Variants in COL28A1 observed in about 807,000 individuals in gnomAD.
COL28A1 encodes the protein collagen alpha-1(XXVIII) chain.
A neutral mutation model predicts 150.2 loss-of-function variants in COL28A1; 161 were observed. That is an observed-to-expected ratio of 1.07 (90% CI 0.94 to 1.22). COL28A1 has a LOEUF of 1.22. Ranked by LOEUF, COL28A1 falls within the 50% of genes most tolerant of loss-of-function variation. The pLI is 0.00. For missense variants in COL28A1, 1,617 were observed against 1,388.3 expected, an observed-to-expected ratio of 1.16 and a Z score of -2.62; for synonymous variants, 552 against 469.7, an observed-to-expected ratio of 1.18 and a Z score of -2.26.
intron 27 of COL28A1, among the ~76,000 whole-genome samples, chr7:7,413,429 G>A (rs955891758): frequency 6.6e-6 from 1 of 152,084 alleles, no homozygotes; most frequent in Non-Finnish European, 1.5e-5. Flanking sequence ...CAAACTTCTG[G>A]TTCCTTTTCT....
intron 17 of COL28A1, 101 bp from the exon 18 acceptor site, chr7:7,452,488 C>T: frequency 6.9e-7 from 1 of 1,443,926 alleles, no homozygotes; most frequent in Non-Finnish European, 9.1e-7. Flanking sequence ...AAAACAGTTT[C>T]ATGTGCTCAA....
intron 4 of COL28A1, 183 bp from the exon 5 acceptor site, chr7:7,522,144 T>C (rs1354519649): frequency 3.0e-6 from 2 of 657,222 alleles, no homozygotes; most frequent in East Asian, 5.7e-5. Context: ...TGCACATTTA[T>C]GGATGTTTTG....
chr7:7,370,166 T>G (rs1416851835), intron 33 of COL28A1, among the ~76,000 whole-genome samples: 1 of 152,188 alleles, frequency 6.6e-6, no homozygotes, highest in Non-Finnish European at 1.5e-5. Context: ...ATTGAGGAGC[T>G]CTGAAACAGA....
chr7:7,405,848 C>G (rs1349947303), intron 27 of COL28A1, among the ~76,000 whole-genome samples: 1 of 152,090 alleles, frequency 6.6e-6, no homozygotes, highest in Non-Finnish European at 1.5e-5. Context: ...GCTCCTCCAC[C>G]TTAGCTCTTT....
intron 3 of COL28A1, 102 bp from the exon 4 acceptor site, chr7:7,524,351 A>G: frequency 1.3e-6 from 1 of 760,724 alleles, no homozygotes; most frequent in Non-Finnish European, 2.2e-6. Flanking sequence ...GTTTCCACAA[A>G]GAATAGCAAT....
chr7:7,531,614 T>G lies in COL28A1; in HGVS notation c.415A>C (p.Asn139His), dbSNP rs758858101. The G allele has an allele frequency of 2.1e-5, 33 of 1,608,184 alleles. No individual in the cohort carries two copies. The highest frequency in any genetic ancestry group is 2.8e-5 in the Non-Finnish European group (33 of 1,174,602). The change falls in exon 3 of 35, where the codon AAT becomes CAT. Residue 139 changes from asparagine (N) to histidine (H), a missense_variant. Asn to His is a moderately conservative substitution (Grantham distance 68). Transcript: ENST00000399429. ...QGTFSYYAIS[N>H]ATRLLKREGR... ...TCTCTCTTAAGTAGCCTAGTGGCAT[T>G]GGAAATGGCATAATAAGAGAAGGTA...
At chr7:7,370,026 C>T (rs118022250) in intron 33 of COL28A1, among the ~76,000 whole-genome samples, 1 of 152,108 alleles carries the variant, frequency 6.6e-6, no homozygotes, top group African/African-American at 2.4e-5. Flanking sequence ...AAGGCTCCCC[C>T]ATTTTCTCCT....
At chr7:7,366,833 C>G (rs1452622391) in intron 33 of COL28A1, among the ~76,000 whole-genome samples, 1 of 152,138 alleles carries the variant, frequency 6.6e-6, no homozygotes, top group Non-Finnish European at 1.5e-5. Context: ...CAGGAAGGAT[C>G]TGAGAATAGG....
At chr7:7,406,349 T>C (rs149797477) in intron 27 of COL28A1, among the ~76,000 whole-genome samples, 1 of 152,300 alleles carries the variant, frequency 6.6e-6, no homozygotes, top group Non-Finnish European at 1.5e-5. Flanking sequence ...CATACATTCA[T>C]TCAAGTGTTC....
intron 34 of COL28A1, 36 bp downstream of exon 34, chr7:7,360,354 G>A (rs1280771888): frequency 1.3e-6 from 2 of 1,512,248 alleles, no homozygotes; most frequent in Non-Finnish European, 1.8e-6. Context: ...CAAGACTGTA[G>A]AATCAAAATG....
intron 15 of COL28A1, among the ~76,000 whole-genome samples, chr7:7,464,093 T>C (rs1787857119): frequency 6.6e-6 from 1 of 152,172 alleles, no homozygotes; most frequent in Non-Finnish European, 1.5e-5. Flanking sequence ...TAAAAGGCCT[T>C]GTCCAACAGG....
At chr7:7,510,454 T>C (rs1781066733) in intron 9 of COL28A1, among the ~76,000 whole-genome samples, 1 of 152,172 alleles carries the variant, frequency 6.6e-6, no homozygotes, top group Non-Finnish European at 1.5e-5. Flanking sequence ...CTGGCTAATT[T>C]TTGTATTTTT....
chr7:7,438,082 A>G (rs943245193), intron 21 of COL28A1, among the ~76,000 whole-genome samples: 1 of 147,160 alleles, frequency 6.8e-6, no homozygotes, highest in African/African-American at 2.5e-5. Flanking sequence ...TAAAAATACA[A>G]AAAAAAAAAA....
At position 7,531,855 on chromosome 7, in the gene COL28A1, A is replaced by C. The variant is rs1782382903; in HGVS notation, c.174T>G (p.Ser58Arg). The change falls in exon 3 of 35, where the codon AGT becomes AGG. Residue 58 changes from serine to arginine, a missense_variant. Coordinates refer to ENST00000399429, the MANE Select transcript of COL28A1 (RefSeq NM_001037763.3). ...GTTTATCAAAGAGGGCAATTTTAGA[A>C]CTTTCAGAGCTGTCCACGATGAAGA... is the stretch of plus-strand genomic sequence containing the variant. ...DIVFIVDSSE[S>R]SKIALFDKQK... 6.2e-7 allele frequency: 1 copy of C among 1,610,188 alleles called. No individual in the cohort carries two copies. Among genetic ancestry groups the C allele is most frequent in the Non-Finnish European group, 8.5e-7 (1 of 1,176,486 alleles).
intron 1 of COL28A1, among the ~76,000 whole-genome samples, chr7:7,533,669 A>C (rs1178643135): frequency 6.6e-6 from 1 of 152,142 alleles, no homozygotes. Flanking sequence ...GCCCCGTGAA[A>C]CTATTTTTCT....
downstream of COL28A1, chr7:7,356,690 T>C (rs1276116218): frequency 3.3e-5 from 5 of 150,690 alleles, no homozygotes; most frequent in Admixed American, 6.6e-5. Context: ...CCAGGGCCTG[T>C]TGTGGGGTGG....
chr7:7,441,434 C>T lies in COL28A1; in HGVS notation c.1651-573G>A, dbSNP rs559078899. Among the ~76,000 whole-genome samples the T allele has an allele frequency of 2.6e-5, 4 of 151,680 alleles. No homozygotes were observed. The East Asian group carries it at 7.8e-4, about 29-fold the overall frequency. On this transcript the variant is annotated intron_variant, in intron 20 of 34. Coordinates refer to ENST00000399429, the MANE Select transcript of COL28A1 (RefSeq NM_001037763.3). ...CAGGGTTGTGTAAAACAGTGCTCTC[C>T]CAAAAGAATTCCTTTACCTTCAAAA...
chr7:7,426,772 C>G (rs924125100), intron 25 of COL28A1, among the ~76,000 whole-genome samples: 1 of 152,164 alleles, frequency 6.6e-6, no homozygotes, highest in Admixed American at 6.5e-5. Flanking sequence ...TTCCTTTTCT[C>G]AAAATCATCT....
At chr7:7,438,429 T>C (rs1010340438) in intron 21 of COL28A1, among the ~76,000 whole-genome samples, 2 of 152,094 alleles carry the variant, frequency 1.3e-5, no homozygotes, top group Admixed American at 6.5e-5. Flanking sequence ...AGCAGAGGAA[T>C]TATCAGGAAA....
Sources: allele counts gnomAD v4.1 joint callset (sites outside exome capture counted in the v4.1 genomes callset), GRCh38; gene constraint gnomAD v4.1.1; transcripts MANE v1.5; gene names NCBI Gene and HGNC (gene_info 2026-07-23, HGNC 2026-07-21).